The following HCRTR2 variants were observed in gnomAD, a reference collection of about 807,000 sequenced individuals.
The protein encoded by HCRTR2 is hypocretin receptor 2, also known as orexin receptor type 2.
Under a neutral mutation model 49.0 loss-of-function variants are expected in HCRTR2, and 22 were observed. That is an observed-to-expected ratio of 0.45 (90% CI 0.32 to 0.64). HCRTR2 has a LOEUF of 0.64. Among genes scored for constraint, HCRTR2 ranks in the 30% least tolerant of loss-of-function variants. The probability of loss-of-function intolerance (pLI) is 0.04; values close to 1 mark genes in which losing one functional copy is unlikely to be tolerated. For synonymous variants in HCRTR2, 236 were observed against 205.3 expected, an observed-to-expected ratio of 1.15 and a Z score of -1.28; for missense variants, 491 against 559.4, an observed-to-expected ratio of 0.88 and a Z score of 1.23.
chr6:55,175,127 G>A (rs1297074294), intron 1 of HCRTR2, among the ~76,000 whole-genome samples: 1 of 151,986 alleles, frequency 6.6e-6, no homozygotes, highest in Non-Finnish European at 1.5e-5. Context: ...TTGAGTGTGT[G>A]TGTGTGTGGG....
chr6:55,212,012 G>A (rs1358358005), intron 1 of HCRTR2, among the ~76,000 whole-genome samples: 1 of 152,128 alleles, frequency 6.6e-6, no homozygotes, highest in Non-Finnish European at 1.5e-5. Flanking sequence ...AAAAGTAAGT[G>A]CTCAAGAACA....
At chr6:55,211,964 C>G (rs1765703746) in intron 1 of HCRTR2, among the ~76,000 whole-genome samples, 1 of 152,174 alleles carries the variant, frequency 6.6e-6, no homozygotes, top group African/African-American at 2.4e-5. Flanking sequence ...ATCTTGTCCC[C>G]TGTTTAGCAC....
chr6:55,164,487 A>G (rs1013253455), intron 1 of HCRTR2, among the ~76,000 whole-genome samples: 2 of 152,188 alleles, frequency 1.3e-5, no homozygotes, highest in Admixed American at 6.5e-5. Flanking sequence ...ACATGAATGA[A>G]GCTGGAAACC....
rs752876306 is a variant in HCRTR2, at chr6:55,277,507, G to A, written c.890G>A (p.Arg297Gln). ...GTGGCGGCTGAAATAAAGCAGATCCGAGCCAGAAGGAAAACAGCCCGGATG... is the reference window on the plus strand; with the variant it reads ...GTGGCGGCTGAAATAAAGCAGATCCAAGCCAGAAGGAAAACAGCCCGGATG... ...SAVAAEIKQI[R>Q]ARRKTARMLM... Residue 297 changes from arginine to glutamine, a missense_variant, in exon 5 of 7, where the codon CGA (arginine) becomes CAA (glutamine). By Grantham distance (43) the Arg-to-Gln change is conservative. Transcript: ENST00000370862. The A allele has an allele frequency of 7.4e-6, 12 of 1,614,046 alleles. No individual in the cohort carries two copies. The highest frequency in any genetic ancestry group is 1.1e-5 in the South Asian group (1 of 91,078).
chr6:55,172,590 A>G (rs1764966607), upstream of HCRTR2, among the ~76,000 whole-genome samples: 1 of 152,152 alleles, frequency 6.6e-6, no homozygotes, highest in Admixed American at 6.5e-5. Flanking sequence ...TGATATCTAT[A>G]CAATAACAGA....
intron 1 of HCRTR2, among the ~76,000 whole-genome samples, chr6:55,112,920 T>C (rs1030248189): frequency 4.6e-5 from 7 of 151,892 alleles, no homozygotes; most frequent in Non-Finnish European, 7.4e-5. Context: ...GGTACTGGTG[T>C]AAAAGTAAGC....
intron 1 of HCRTR2, among the ~76,000 whole-genome samples, chr6:55,108,380 A>G (rs543752517): frequency 1.2e-4 from 19 of 152,188 alleles, no homozygotes; most frequent in African/African-American, 4.6e-4. Context: ...CCTTTGAAAG[A>G]AGCAGCTTGT....
At position 55,120,247 on chromosome 6, in the gene HCRTR2, T is replaced by C. The variant is rs376817470; in HGVS notation, c.-378+13702T>C. ...TCTTTTTGCTTAGGATTGTCTTGGC[T>C]ATGTGGGCCCTTTTTTGGTTCCATA... On this transcript the variant is annotated intron_variant, in intron 1 of 7. Transcript: ENST00000615358. Among the ~76,000 whole-genome samples, 511 of 152,100 alleles carry C rather than the reference T, an allele frequency of 3.4e-3. 7 individuals carry two copies. The highest frequency in any genetic ancestry group is 0.012 in the African/African-American group (485 of 41,506).
intron 1 of HCRTR2, among the ~76,000 whole-genome samples, chr6:55,201,658 A>G (rs963681885): frequency 1.3e-5 from 2 of 152,114 alleles, no homozygotes; most frequent in Non-Finnish European, 2.9e-5. Context: ...AGCAAAACTA[A>G]TTTTCATGAG....
chr6:55,219,297 C>T (rs1289408009), intron 1 of HCRTR2, among the ~76,000 whole-genome samples: 3 of 152,168 alleles, frequency 2.0e-5, no homozygotes, highest in African/African-American at 7.2e-5. Flanking sequence ...TATGCTGTGT[C>T]ACAAAACATG....
intron 3 of HCRTR2, among the ~76,000 whole-genome samples, chr6:55,260,594 A>G (rs927123081): frequency 1.3e-5 from 2 of 152,084 alleles, no homozygotes; most frequent in African/African-American, 4.8e-5. Flanking sequence ...ACCTGCCAAC[A>G]CATGCATCCT....
intron 1 of HCRTR2, among the ~76,000 whole-genome samples, chr6:55,163,834 A>G (rs1409530534): frequency 2.0e-5 from 3 of 152,202 alleles, no homozygotes; most frequent in Admixed American, 6.5e-5. Flanking sequence ...ATCAGAGTGA[A>G]CAGGCAACCT....
intron 1 of HCRTR2, among the ~76,000 whole-genome samples, chr6:55,229,810 G>A (rs1489173879): frequency 6.6e-6 from 1 of 152,196 alleles, no homozygotes; most frequent in African/African-American, 2.4e-5. Context: ...CTAGAGATCT[G>A]CTGTACAACA....
At chr6:55,233,538 T>C (rs948520749) in intron 1 of HCRTR2, among the ~76,000 whole-genome samples, 1 of 151,960 alleles carries the variant, frequency 6.6e-6, no homozygotes, top group Non-Finnish European at 1.5e-5. Flanking sequence ...AAAACAAAAA[T>C]AAAATAACAC....
At chr6:55,198,205 C>T (rs1765452093) in intron 1 of HCRTR2, among the ~76,000 whole-genome samples, 1 of 152,144 alleles carries the variant, frequency 6.6e-6, no homozygotes, top group South Asian at 2.1e-4. Flanking sequence ...TATCTCTACC[C>T]CATCACTGAC....
chr6:55,197,284 T>C (rs374525372), intron 1 of HCRTR2, among the ~76,000 whole-genome samples: 1 of 152,124 alleles, frequency 6.6e-6, no homozygotes, highest in South Asian at 2.1e-4. Context: ...CCAATTGTAA[T>C]CTAAACACCA....
At chr6:55,221,232 G>C (rs1306063838) in intron 1 of HCRTR2, among the ~76,000 whole-genome samples, 1 of 152,070 alleles carries the variant, frequency 6.6e-6, no homozygotes, top group Non-Finnish European at 1.5e-5. Context: ...AAAATCTGGA[G>C]AAAGAAGAGC....
intron 1 of HCRTR2, among the ~76,000 whole-genome samples, chr6:55,169,090 G>A (rs1357720882): frequency 1.3e-5 from 2 of 151,404 alleles, no homozygotes; most frequent in African/African-American, 2.4e-5. Context: ...ACCTTTTTAG[G>A]TGTATACCTT....
intron 1 of HCRTR2, among the ~76,000 whole-genome samples, chr6:55,175,512 A>T (rs979153200): frequency 4.7e-5 from 7 of 148,546 alleles, no homozygotes; most frequent in African/African-American, 1.5e-4. Flanking sequence ...TCAGCCAAAT[A>T]TTTTTTTTTT....
Sources: allele counts gnomAD v4.1 joint callset (sites outside exome capture counted in the v4.1 genomes callset), GRCh38; gene constraint gnomAD v4.1.1; transcripts MANE v1.5; gene names NCBI Gene and HGNC (gene_info 2026-07-23, HGNC 2026-07-21).